Variants in AUTS2 observed in about 807,000 individuals in gnomAD.
AUTS2 encodes the protein activator of transcription and developmental regulator AUTS2, also known as autism susceptibility gene 2 protein.
Under a neutral mutation model 112.4 loss-of-function variants are expected in AUTS2, and 17 were observed. The ratio of observed to expected loss-of-function variants is 0.15; its 90% CI spans 0.10 to 0.23. The LOEUF (loss-of-function observed/expected upper bound fraction) is 0.23, where lower values mean the gene tolerates loss of function less well. AUTS2 is among the 10% of genes least tolerant of loss of function. The probability of loss-of-function intolerance (pLI) is 1.00; values close to 1 mark genes in which losing one functional copy is unlikely to be tolerated. For synonymous variants in AUTS2, 751 were observed against 702.7 expected, an observed-to-expected ratio of 1.07 and a Z score of -1.09; for missense variants, 1,510 against 1,701.6, an observed-to-expected ratio of 0.89 and a Z score of 1.98.
chr7:70,452,065 G>A (rs1357685148), intron 5 of AUTS2, among the ~76,000 whole-genome samples: 1 of 152,174 alleles, frequency 6.6e-6, no homozygotes, highest in Non-Finnish European at 1.5e-5. Context: ...CTGTGTGACT[G>A]CGGCCTTGGG....
chr7:69,995,648 C>T (rs993686985), intron 2 of AUTS2, among the ~76,000 whole-genome samples: 1 of 152,210 alleles, frequency 6.6e-6, no homozygotes, highest in Non-Finnish European at 1.5e-5. Context: ...AGGTCTGCCA[C>T]TGAGGGTAGT....
At chr7:70,327,216 C>A (rs994476020) in intron 4 of AUTS2, among the ~76,000 whole-genome samples, 4 of 152,176 alleles carry the variant, frequency 2.6e-5, no homozygotes, top group Non-Finnish European at 5.9e-5. Context: ...CCGCGCCCGG[C>A]CGCTCAGTTC....
intron 14 of AUTS2, among the ~76,000 whole-genome samples, chr7:70,779,402 A>G (rs1049488697): frequency 3.9e-5 from 6 of 152,134 alleles, no homozygotes; most frequent in Admixed American, 1.3e-4. Context: ...CCTGGCGTCT[A>G]GTTGCTTAGA....
intron 5 of AUTS2, among the ~76,000 whole-genome samples, chr7:70,438,433 G>A (rs1795984906): frequency 6.6e-6 from 1 of 152,164 alleles, no homozygotes; most frequent in African/African-American, 2.4e-5. Context: ...CCTTTCTACT[G>A]TGGTGATCCT....
In AUTS2 at chr7:69,762,753, G is replaced by T. The variant is rs749135882; in HGVS notation, c.310-136533G>T. On this transcript the variant is annotated intron_variant, in intron 1 of 18. Coordinates refer to ENST00000342771, the MANE Select transcript of AUTS2 (RefSeq NM_015570.4). ...GTTCATATTTCGACTACATGGTCATGCCATTTAAAAAAAAGTAGTAAAGCA... is the reference window on the plus strand; with the variant it reads ...GTTCATATTTCGACTACATGGTCATTCCATTTAAAAAAAAGTAGTAAAGCA... Among the ~76,000 whole-genome samples the T allele has an allele frequency of 2.7e-4, 41 of 151,960 alleles. 1 individual carries two copies. Among genetic ancestry groups the T allele is most frequent in the Non-Finnish European group, 4.9e-4 (33 of 67,992 alleles).
chr7:70,271,372 T>C (rs1427422450), intron 4 of AUTS2, among the ~76,000 whole-genome samples: 1 of 152,116 alleles, frequency 6.6e-6, no homozygotes, highest in Non-Finnish European at 1.5e-5. Context: ...AGAAAATCAA[T>C]AGAATTGCTT....
chr7:70,769,295 C>T (rs992174294), intron 10 of AUTS2, among the ~76,000 whole-genome samples: 6 of 152,222 alleles, frequency 3.9e-5, no homozygotes, highest in African/African-American at 1.4e-4. Flanking sequence ...ACCCAAAGCC[C>T]AGTAGACCTA....
At chr7:70,752,770 A>G (rs1034483194) in intron 6 of AUTS2, among the ~76,000 whole-genome samples, 1 of 152,192 alleles carries the variant, frequency 6.6e-6, no homozygotes. Context: ...CCCACCCCCA[A>G]TAGATCACAA....
chr7:70,775,242 A>AAAG, intron 12 of AUTS2, 115 bp from the exon 13 acceptor site: 1 of 943,198 alleles, frequency 1.1e-6, no homozygotes, highest in African/African-American at 1.7e-5. Context: ...GCTTCATTTA[A>AAAG]AAGTAAAATT....
chr7:70,112,038 T>C (rs1805114567), intron 2 of AUTS2, among the ~76,000 whole-genome samples: 1 of 152,006 alleles, frequency 6.6e-6, no homozygotes, highest in Admixed American at 6.5e-5. Flanking sequence ...TTGTCTTATT[T>C]CTTTTTTGTT....
At chr7:70,166,542 T>C (rs1808392445) in intron 4 of AUTS2, among the ~76,000 whole-genome samples, 1 of 152,168 alleles carries the variant, frequency 6.6e-6, no homozygotes, top group Admixed American at 6.5e-5. Context: ...AATAGTATAA[T>C]AACATTTCAA....
intron 1 of AUTS2, among the ~76,000 whole-genome samples, chr7:69,646,989 G>A (rs982597459): frequency 2.6e-5 from 4 of 152,182 alleles, no homozygotes; most frequent in African/African-American, 9.6e-5. Flanking sequence ...TCGGGAAGCT[G>A]AGGCAGGAGA....
At chr7:70,072,853 C>T (rs1353700564) in intron 2 of AUTS2, among the ~76,000 whole-genome samples, 1 of 152,208 alleles carries the variant, frequency 6.6e-6, no homozygotes, top group African/African-American at 2.4e-5. Flanking sequence ...TCATTACCCC[C>T]ATTTCAAAGA....
intron 2 of AUTS2, among the ~76,000 whole-genome samples, chr7:69,900,059 T>G (rs941649074): frequency 6.6e-6 from 1 of 152,248 alleles, no homozygotes; most frequent in African/African-American, 2.4e-5. Context: ...ATCTGTTGAT[T>G]GTATGAACGT....
intron 1 of AUTS2, among the ~76,000 whole-genome samples, chr7:69,637,726 A>T (rs1007806085): frequency 2.0e-5 from 3 of 152,182 alleles, no homozygotes; most frequent in Non-Finnish European, 4.4e-5. Flanking sequence ...TATATGAAAA[A>T]AATATTTGGA....
chr7:70,790,989 C>A lies in AUTS2; in HGVS notation c.3773C>A (p.Ala1258Asp). ...PPSHTLKDIE[A>D]R is the part of the protein sequence containing the mutation. The stretch of plus-strand genomic sequence containing the variant: ...TCCCACACGCTGAAGGATATCGAGG[C>A]CCGATAAGCCGAGAACAGGAGCAAG... The change falls in exon 19 of 19, where the codon GCC becomes GAC. Residue 1258 changes from alanine to aspartate, a missense_variant. By Grantham distance (126) the Ala-to-Asp change is moderately radical. Around this residue, in one of 3 missense-constraint regions of AUTS2, gnomAD observed 788 missense variants for 797.6 expected, o/e 0.99. Transcript: ENST00000342771. The surrounding 1 kb of genome is among the most constrained non-coding windows in gnomAD (Gnocchi z 7.6). 1 of 1,496,442 alleles carries A rather than the reference C, an allele frequency of 6.7e-7. No individual in the cohort carries two copies. Among genetic ancestry groups the A allele is most frequent in the Non-Finnish European group, 8.9e-7 (1 of 1,123,278 alleles). The allele number at this position is 1,496,442 out of a possible 1,614,324, so 92.7% of individuals were successfully genotyped here.
chr7:70,262,996 T>G (rs1787242984), intron 4 of AUTS2, among the ~76,000 whole-genome samples: 1 of 152,170 alleles, frequency 6.6e-6, no homozygotes, highest in African/African-American at 2.4e-5. Flanking sequence ...ATACATAAAC[T>G]TCAGTAAATT....
At position 69,878,050 on chromosome 7, in the gene AUTS2, C is replaced by T. The variant is rs138255116; in HGVS notation, c.310-21236C>T. On this transcript the variant is annotated intron_variant, in intron 1 of 18. Transcript: ENST00000342771. ...GCATAGCATAGTGGGCTGGGGTAGA[C>T]GGTGGGGGGCATGTGTGTAAAGAGA... 1.1e-3 allele frequency among the ~76,000 whole-genome samples: 160 copies of T among 152,100 alleles called. 1 individual carries two copies. The East Asian group carries it at 0.013, about 12-fold the overall frequency.
At chr7:70,610,650 G>T (rs1804047368) in intron 5 of AUTS2, among the ~76,000 whole-genome samples, 1 of 151,880 alleles carries the variant, frequency 6.6e-6, no homozygotes, top group Non-Finnish European at 1.5e-5. Context: ...TGTTGCCCAG[G>T]TTGGTCTCTC....
Sources: gnomAD v4.1 joint callset for allele counts (sites outside exome capture counted in the v4.1 genomes callset) on GRCh38, gnomAD v4.1.1 for gene constraint, gnomAD v4.1.1 regional missense constraint, Gnocchi (gnomAD v3.1) non-coding constraint, MANE v1.5 for transcripts, NCBI Gene and HGNC (gene_info 2026-07-23, HGNC 2026-07-21) for gene names.